The following CHSY3 variants were observed in gnomAD, a reference collection of about 807,000 sequenced individuals.
CHSY3 encodes N-acetylgalactosaminyl-proteoglycan 3-beta-glucuronosyltransferase 3.
A neutral mutation model predicts 67.2 loss-of-function variants in CHSY3; 35 were observed. That is an observed-to-expected ratio of 0.52 (90% CI 0.40 to 0.69). The LOEUF is 0.69. CHSY3 is among the 30% of genes least tolerant of loss of function. The pLI is 0.00. For missense variants in CHSY3, 1,069 were observed against 1,138.5 expected (o/e 0.94, Z 0.88); for synonymous variants, 474 against 434.7 (o/e 1.09, Z -1.12).
chr5:129,989,416 T>A (rs1763297096), intron 2 of CHSY3, among the ~76,000 whole-genome samples: 1 of 151,954 alleles, frequency 6.6e-6, no homozygotes, highest in African/African-American at 2.4e-5. Context: ...CATGCACCAC[T>A]GCCCCGTCAA....
intron 2 of CHSY3, among the ~76,000 whole-genome samples, chr5:130,157,380 C>G (rs1223305299): frequency 6.6e-6 from 1 of 152,154 alleles, no homozygotes; most frequent in Non-Finnish European, 1.5e-5. Flanking sequence ...AGGAGAGAGA[C>G]TAGGGTGCTA....
At chr5:129,942,364 G>A (rs567343306) in intron 2 of CHSY3, among the ~76,000 whole-genome samples, 1 of 152,206 alleles carries the variant, frequency 6.6e-6, no homozygotes, top group South Asian at 2.1e-4. Flanking sequence ...TCTTATAAAT[G>A]TTGATCCCTA....
At chr5:130,099,765 C>G (rs1348426492) in intron 2 of CHSY3, among the ~76,000 whole-genome samples, 1 of 152,168 alleles carries the variant, frequency 6.6e-6, no homozygotes, top group Non-Finnish European at 1.5e-5. Flanking sequence ...CTACTTTGCA[C>G]AGATTCTCAG....
chr5:129,956,419 T>C (rs570484353), intron 2 of CHSY3, among the ~76,000 whole-genome samples: 1 of 152,174 alleles, frequency 6.6e-6, no homozygotes, highest in Non-Finnish European at 1.5e-5. Flanking sequence ...TTTTCTCTTA[T>C]AAATTTGTTT....
rs538694688 is a variant in CHSY3 at position 130,156,039 on chromosome 5, T to C, written c.1087-28190T>C. 3.4e-4 allele frequency among the ~76,000 whole-genome samples: 52 copies of C among 152,358 alleles called. 1 individual carries two copies. The South Asian group carries it at 7.0e-3, about 21-fold the overall frequency. On this transcript the variant is annotated intron_variant, in intron 2 of 2. Coordinates refer to ENST00000305031, the MANE Select transcript of CHSY3 (RefSeq NM_175856.5). Reference sequence around the variant, plus strand: ...ATGGTATGAGGAGTGCAGTTATAGCTTTATTAGTAATACTGAATTTTTACA... The same window carrying C: ...ATGGTATGAGGAGTGCAGTTATAGCCTTATTAGTAATACTGAATTTTTACA...
intron 2 of CHSY3, among the ~76,000 whole-genome samples, chr5:130,143,754 A>ATG (rs1317367198): frequency 2.6e-5 from 3 of 115,440 alleles, no homozygotes; most frequent in East Asian, 3.1e-4. Flanking sequence ...ATATATATAT[A>ATG]TATGTGTGTG....
chr5:130,060,239 A>G (rs575595358), intron 2 of CHSY3, among the ~76,000 whole-genome samples: 1 of 152,338 alleles, frequency 6.6e-6, no homozygotes, highest in African/African-American at 2.4e-5. Flanking sequence ...GTTTTATTCT[A>G]GGATGCAAGG....
intron 2 of CHSY3, among the ~76,000 whole-genome samples, chr5:130,030,194 T>C (rs1214642718): frequency 6.6e-6 from 1 of 152,146 alleles, no homozygotes; most frequent in Admixed American, 6.6e-5. Context: ...CTTTGTCATC[T>C]CAATGTTTTG....
chr5:130,126,793 C>T (rs533484135), intron 2 of CHSY3, among the ~76,000 whole-genome samples: 2 of 152,068 alleles, frequency 1.3e-5, no homozygotes, highest in African/African-American at 2.4e-5. Context: ...ATAAAAGAGG[C>T]GCCTCTATAA....
At chr5:130,054,505 G>A (rs1276918157) in intron 2 of CHSY3, among the ~76,000 whole-genome samples, 2 of 152,218 alleles carry the variant, frequency 1.3e-5, no homozygotes, top group East Asian at 3.9e-4. Context: ...GAGCCCCATG[G>A]CCTCTGATGA....
intron 2 of CHSY3, among the ~76,000 whole-genome samples, chr5:129,943,805 A>G (rs1416824151): frequency 6.6e-6 from 1 of 152,248 alleles, no homozygotes; most frequent in Non-Finnish European, 1.5e-5. Flanking sequence ...CACATAGATT[A>G]TAATGATGAG....
At chr5:130,130,337 A>G (rs1768440885) in intron 2 of CHSY3, among the ~76,000 whole-genome samples, 2 of 152,112 alleles carry the variant, frequency 1.3e-5, no homozygotes, top group Non-Finnish European at 2.9e-5. Context: ...ATTTCTTGCC[A>G]TGTAATCATT....
chr5:129,954,927 G>A (rs988880746), intron 2 of CHSY3, among the ~76,000 whole-genome samples: 1 of 152,136 alleles, frequency 6.6e-6, no homozygotes, highest in Admixed American at 6.5e-5. Flanking sequence ...GCAGTGCCGT[G>A]GCGCGATCTT....
intron 1 of CHSY3, 51 bp downstream of exon 1, chr5:129,905,682 C>T: frequency 6.3e-7 from 1 of 1,594,858 alleles, no homozygotes; most frequent in African/African-American, 1.3e-5. Flanking sequence ...CGACTCCTTT[C>T]TCTGTAACCG....
At chr5:130,141,958 C>A in intron 2 of CHSY3, 1 of 214,090 alleles carries the variant, frequency 4.7e-6, no homozygotes, top group South Asian at 6.8e-5. Context: ...TAAGTCAGCT[C>A]AAGTATAGAT....
At chr5:130,020,581 G>A (rs10478907) in intron 2 of CHSY3, among the ~76,000 whole-genome samples, 78,400 of 149,682 alleles carry the variant, frequency 0.52, 21,206 homozygotes, top group East Asian at 0.67. Flanking sequence ...CCCCTTCAAA[G>A]CAGTCTTTCT....
Position 129,908,124 on chromosome 5 carries a change from C to T in CHSY3, c.850C>T (p.Leu284Phe), listed in dbSNP as rs754142625. The T allele has an allele frequency of 6.2e-7, 1 of 1,614,056 alleles. No homozygotes were observed. Among genetic ancestry groups the T allele is most frequent in the Middle Eastern group, 1.6e-4 (1 of 6,084 alleles). ...FLRSLNSSKP[L>F]YLGQTGLGNI... ...TAGATCGCTAAACAGCAGTAAGCCT[C>T]TCTACCTGGGACAGACTGGCCTGGG... The change falls in exon 2 of 3, where the codon CTC becomes TTC. Residue 284 changes from leucine to phenylalanine, a missense_variant. By Grantham distance (22) the Leu-to-Phe change is conservative (BLOSUM62 0). Transcript: ENST00000305031.
At chr5:129,966,293 G>A (rs545819271) in intron 2 of CHSY3, among the ~76,000 whole-genome samples, 1 of 151,908 alleles carries the variant, frequency 6.6e-6, no homozygotes, top group East Asian at 1.9e-4. Flanking sequence ...GTAAGTGATT[G>A]GCAAGTGAAA....
intron 2 of CHSY3, among the ~76,000 whole-genome samples, chr5:130,102,840 T>C (rs886898075): frequency 6.6e-6 from 1 of 152,094 alleles, no homozygotes; most frequent in African/African-American, 2.4e-5. Context: ...TCTGCTACTT[T>C]ATTTATACAC....
Sources: gnomAD v4.1 joint callset for allele counts (sites outside exome capture counted in the v4.1 genomes callset) on GRCh38, gnomAD v4.1.1 for gene constraint, MANE v1.5 for transcripts, NCBI Gene and HGNC (gene_info 2026-07-23, HGNC 2026-07-21) for gene names.